SFMBT1: variants seen among roughly 807,000 people sequenced by gnomAD.
SFMBT1 encodes the protein scm-like with four MBT domains protein 1.
A neutral mutation model predicts 108.7 loss-of-function variants in SFMBT1; 32 were observed. The observed-to-expected ratio is 0.29, with a 90% CI of 0.22 to 0.40. SFMBT1 has a LOEUF of 0.40. SFMBT1 is among the 10% of genes least tolerant of loss of function. The pLI is 1.00. For synonymous variants in SFMBT1, 348 were observed against 369.5 expected (o/e 0.94, Z 0.67); for missense variants, 816 against 1,059.6 (o/e 0.77, Z 3.19).
intron 2 of SFMBT1, among the ~76,000 whole-genome samples, chr3:52,958,637 T>C (rs1273857856): frequency 6.6e-6 from 1 of 152,118 alleles, no homozygotes; most frequent in Admixed American, 6.6e-5. Context: ...CAGATGCTGT[T>C]GAGGCTGCAG....
chr3:52,925,604 A>C (rs1249093092), intron 10 of SFMBT1, among the ~76,000 whole-genome samples: 1 of 152,236 alleles, frequency 6.6e-6, no homozygotes, highest in Non-Finnish European at 1.5e-5. Context: ...GAGACTGTGA[A>C]ACGGGGTAGG....
rs1702876041 is a variant in SFMBT1, at chr3:52,932,052, T to A, written c.700+10A>T. On this transcript the variant is annotated intron_variant, in intron 6 of 20. Transcript: ENST00000394752. ...ATGTCACAGAAGAAAAATGTCCTAT[T>A]ACTCTTCACCTGAAGGGGGCTGAAG... 6.2e-7 allele frequency: 1 copy of A among 1,611,854 alleles called. No individual in the cohort carries two copies. The highest frequency in any genetic ancestry group is 2.2e-5 in the East Asian group (1 of 44,866).
intron 3 of SFMBT1, among the ~76,000 whole-genome samples, chr3:52,952,694 T>C (rs1202230900): frequency 6.6e-6 from 1 of 152,208 alleles, no homozygotes; most frequent in East Asian, 1.9e-4. Flanking sequence ...AAACAAGCTC[T>C]CTCAAGCCTC....
intron 1 of SFMBT1, among the ~76,000 whole-genome samples, chr3:53,035,236 G>A (rs1283887353): frequency 7.7e-6 from 1 of 129,814 alleles, no homozygotes; most frequent in Non-Finnish European, 1.6e-5. Flanking sequence ...AATCAAGTTT[G>A]TTTAGAAAGC....
At chr3:53,032,886 G>A (rs1699734325) in intron 1 of SFMBT1, among the ~76,000 whole-genome samples, 2 of 152,220 alleles carry the variant, frequency 1.3e-5, no homozygotes, top group South Asian at 4.1e-4. Flanking sequence ...AGTCCAGGAG[G>A]GAAGGCTTCA....
In SFMBT1 at chr3:52,992,074, C is replaced by G. The variant is rs549107531; in HGVS notation, c.-130-22816G>C. Among the ~76,000 whole-genome samples, 264 of 152,282 alleles carry G rather than the reference C, an allele frequency of 1.7e-3. 1 individual carries two copies. The highest frequency in any genetic ancestry group is 3.0e-3 in the Non-Finnish European group (203 of 68,016). ...CTATTCCACTTCTAAGCAGCTCCGC[C>G]ACAAAGCCTGTCCTTAACCTGCTGC... On this transcript the variant is annotated intron_variant, in intron 1 of 20. Transcript: ENST00000394752.
chr3:52,929,228 AGAAC>A (rs760077142), intron 8 of SFMBT1, among the ~76,000 whole-genome samples: 22 of 152,072 alleles, frequency 1.4e-4, no homozygotes, highest in Non-Finnish European at 3.2e-4. Flanking sequence ...CAAATGCCAA[AGAAC>A]GAACTTTATT....
Position 53,034,093 on chromosome 3 carries a change from A to T in SFMBT1, c.-131+11723T>A, listed in dbSNP as rs1193871391. Among the ~76,000 whole-genome samples the T allele has an allele frequency of 4.0e-5, 6 of 151,246 alleles. No individual in the cohort carries two copies. In the South Asian group the frequency reaches 1.1e-3, roughly 27 times the overall value. ...CTCCAAAAAAAAAAAAAAAAAAAAAAAAATCAACAATTCCTTAATATCATC... is the reference window on the plus strand; with the variant it reads ...CTCCAAAAAAAAAAAAAAAAAAAAATAAATCAACAATTCCTTAATATCATC... On this transcript the variant is annotated intron_variant, in intron 1 of 20. Transcript: ENST00000394752.
In SFMBT1 at chr3:52,930,926, A is replaced by G. The variant is rs767404407; in HGVS notation, c.795+15T>C. The G allele has an allele frequency of 3.7e-6, 6 of 1,608,662 alleles. No individual in the cohort carries two copies. In the African/African-American group the frequency reaches 5.3e-5, roughly 14 times the overall value. ...AAGGGGAGCAATACCGGTCTATCAC[A>G]TGTTTTGTTTTTACCTTAAATAAGT... On this transcript the variant is annotated intron_variant, in intron 7 of 20. Coordinates refer to ENST00000394752, the MANE Select transcript of SFMBT1 (RefSeq NM_016329.4).
chr3:52,921,872 C>T (rs140896296), intron 10 of SFMBT1, 41 bp from the exon 11 acceptor site: 12 of 1,606,618 alleles, frequency 7.5e-6, no homozygotes, highest in South Asian at 5.5e-5. Flanking sequence ...TGGATTAACA[C>T]AGTATTAACT....
intron 1 of SFMBT1, among the ~76,000 whole-genome samples, chr3:52,982,777 A>C (rs1704760834): frequency 6.6e-6 from 1 of 151,170 alleles, no homozygotes; most frequent in East Asian, 1.9e-4. Context: ...GAGAAATTCA[A>C]GAGCTAATAG....
At chr3:53,023,523 A>C (rs978933153) in intron 1 of SFMBT1, among the ~76,000 whole-genome samples, 1 of 152,210 alleles carries the variant, frequency 6.6e-6, no homozygotes, top group African/African-American at 2.4e-5. Context: ...GAATTAAATA[A>C]ATACCATCTG....
At chr3:52,932,442 A>G in intron 5 of SFMBT1, 134 bp from the exon 6 acceptor site, 1 of 795,594 alleles carries the variant, frequency 1.3e-6, no homozygotes, top group Non-Finnish European at 1.9e-6. Context: ...TAAATTGTCT[A>G]TCATCATACA....
intron 3 of SFMBT1, among the ~76,000 whole-genome samples, chr3:52,948,450 T>C (rs1703450578): frequency 6.6e-6 from 1 of 152,138 alleles, no homozygotes; most frequent in Admixed American, 6.5e-5. Flanking sequence ...AATTTCTACC[T>C]AAAATTTTAT....
intron 1 of SFMBT1, among the ~76,000 whole-genome samples, chr3:53,017,035 C>A (rs1163898301): frequency 6.6e-6 from 1 of 152,150 alleles, no homozygotes; most frequent in Non-Finnish European, 1.5e-5. Context: ...AAAATAGGAA[C>A]GAATGAGATC....
intron 1 of SFMBT1, among the ~76,000 whole-genome samples, chr3:53,029,005 T>C (rs952943966): frequency 2.0e-5 from 3 of 151,896 alleles, no homozygotes; most frequent in Non-Finnish European, 4.4e-5. Context: ...ACCCCGTCTC[T>C]TCTAAAAATA....
At chr3:52,980,073 T>C (rs975279558) in intron 1 of SFMBT1, among the ~76,000 whole-genome samples, 3 of 152,228 alleles carry the variant, frequency 2.0e-5, no homozygotes, top group African/African-American at 7.2e-5. Context: ...ATAAAATACA[T>C]GTACCTATTA....
intron 1 of SFMBT1, among the ~76,000 whole-genome samples, chr3:53,019,804 A>T (rs1699244254): frequency 6.6e-6 from 1 of 152,224 alleles, no homozygotes; most frequent in Non-Finnish European, 1.5e-5. Context: ...AAAGCAAATC[A>T]TGACACAAAC....
At chr3:52,982,783 AATAG>A (rs1704761009) in intron 1 of SFMBT1, among the ~76,000 whole-genome samples, 1 of 151,552 alleles carries the variant, frequency 6.6e-6, no homozygotes, top group Admixed American at 6.6e-5. Context: ...TTCAAGAGCT[AATAG>A]ATAGCACACC....
Sources: allele counts gnomAD v4.1 joint callset (sites outside exome capture counted in the v4.1 genomes callset), GRCh38; gene constraint gnomAD v4.1.1; transcripts MANE v1.5; gene names NCBI Gene and HGNC (gene_info 2026-07-23, HGNC 2026-07-21).